Variants in ZIM2 observed in about 807,000 individuals in gnomAD.
ZIM2 encodes zinc finger imprinted 2.
Under a neutral mutation model 38.6 loss-of-function variants are expected in ZIM2, and 14 were observed. That is an observed-to-expected ratio of 0.36 (90% CI 0.24 to 0.57). The LOEUF (loss-of-function observed/expected upper bound fraction) is 0.57. Ranked by LOEUF, ZIM2 falls within the 20% of genes least tolerant of loss-of-function variation. The pLI is 0.81. For synonymous variants in ZIM2, 247 were observed against 245.8 expected (o/e 1.00, Z -0.04); for missense variants, 680 against 695.1 (o/e 0.98, Z 0.24).
intron 2 of ZIM2, among the ~76,000 whole-genome samples, chr19:56,830,764 A>C (rs939889011): frequency 1.3e-5 from 2 of 150,496 alleles, no homozygotes; most frequent in East Asian, 3.9e-4. Context: ...AATTTCAAAA[A>C]TTTACAGAAG....
At chr19:56,792,166 A>G (rs1326519611) in intron 9 of ZIM2, among the ~76,000 whole-genome samples, 1 of 152,048 alleles carries the variant, frequency 6.6e-6, no homozygotes, top group Admixed American at 6.6e-5. Flanking sequence ...CCAAACCCAC[A>G]TAGGCATAAA....
chr19:56,813,776 C>T (rs150977299), intron 9 of ZIM2: 1 of 1,614,130 alleles, frequency 6.2e-7, no homozygotes, highest in African/African-American at 1.3e-5. Flanking sequence ...GCTTGATTGG[C>T]ACCACCTGTG....
intron 11 of ZIM2, among the ~76,000 whole-genome samples, chr19:56,780,156 G>A (rs543845046): frequency 5.3e-5 from 8 of 151,940 alleles, no homozygotes; most frequent in Admixed American, 3.9e-4. Context: ...GCATTTCTAC[G>A]TGCCATTTAT....
Position 56,815,985 on chromosome 19 carries a change from A to C in ZIM2, c.490+1761T>G, listed in dbSNP as rs775467849. ...TTCCTTCAGAGGTGTTCCCTCCAGC[A>C]CGAACTCTCTGATGGTTGATAGCAT... On this transcript the variant is annotated intron_variant, in intron 9 of 12. Transcript: ENST00000629319. The C allele has an allele frequency of 5.0e-5, 79 of 1,584,782 alleles. 1 individual carries two copies. The South Asian group carries it at 9.0e-4, about 18-fold the overall frequency.
chr19:56,785,724 G>A lies in ZIM2; in HGVS notation c.571-3603C>T, dbSNP rs141549562. ...TACTTTTTCAAACAATTATAAATTA[G>A]CATTGATTCACATACACAGGTATTG... On this transcript the variant is annotated intron_variant, in intron 10 of 12. Coordinates refer to ENST00000629319, the MANE Select transcript of ZIM2 (RefSeq NM_001387356.1). Among the ~76,000 whole-genome samples the A allele has an allele frequency of 4.1e-3, 620 of 152,240 alleles. 5 individuals are homozygous for A. Among genetic ancestry groups the A allele is most frequent in the African/African-American group, 0.013 (551 of 41,526 alleles).
At chr19:56,824,812 C>G in intron 3 of ZIM2, 1 of 658,958 alleles carries the variant, frequency 1.5e-6, no homozygotes. Flanking sequence ...GCCACCTTAC[C>G]AGAGGCATCG....
chr19:56,805,503 T>C (rs1223573955), intron 9 of ZIM2, among the ~76,000 whole-genome samples: 1 of 152,126 alleles, frequency 6.6e-6, no homozygotes, highest in Non-Finnish European at 1.5e-5. Flanking sequence ...CCACTGATTG[T>C]TTATTAGTTG....
intron 7 of ZIM2, 44 bp from the exon 8 acceptor site, chr19:56,818,746 C>A: frequency 6.3e-7 from 1 of 1,598,080 alleles, no homozygotes; most frequent in South Asian, 1.1e-5. Context: ...CTGTCCCCAC[C>A]GATGTTCAAA....
chr19:56,831,581 T>C (rs2061574070), intron 2 of ZIM2, among the ~76,000 whole-genome samples: 1 of 152,232 alleles, frequency 6.6e-6, no homozygotes, highest in African/African-American at 2.4e-5. Context: ...ACATACTTTG[T>C]TCTAAGTAAG....
intron 2 of ZIM2, 49 bp downstream of exon 2, chr19:56,835,969 G>A: frequency 2.0e-6 from 1 of 495,582 alleles, no homozygotes; most frequent in Admixed American, 2.1e-5. Flanking sequence ...GAAGTGCGGT[G>A]GTCACTCCAA....
intron 7 of ZIM2, 142 bp downstream of exon 7, chr19:56,821,509 G>GC: frequency 1.0e-6 from 1 of 979,420 alleles, no homozygotes. Flanking sequence ...TAAGGGATGG[G>GC]CCCGGGCTCC....
intron 9 of ZIM2, chr19:56,813,938 C>T: frequency 6.2e-7 from 1 of 1,614,160 alleles, no homozygotes; most frequent in Non-Finnish European, 8.5e-7. Flanking sequence ...TAGTATGGTT[C>T]TTCTACCTGA....
At position 56,775,281 on chromosome 19, in the gene ZIM2, C is replaced by T; in HGVS notation, c.1084G>A (p.Glu362Lys). 6.2e-7 allele frequency: 1 copy of T among 1,614,150 alleles called. No homozygotes were observed. The highest frequency in any genetic ancestry group is 8.5e-7 in the Non-Finnish European group (1 of 1,180,016). ...ASQENKHNRC[E>K]FCKRTFSTQV... is the part of the protein sequence containing the mutation. The stretch of plus-strand genomic sequence containing the variant: ...GTACTAAAGGTTCGTTTGCAAAATT[C>T]ACATCTGTTGTGTTTGTTCTCTTGG... The change falls in exon 13 of 13, where the codon GAA (glutamate) becomes AAA (lysine). Residue 362 changes from glutamate (E) to lysine (K), a missense_variant. Glu to Lys is a moderately conservative substitution (Grantham distance 56). Transcript: ENST00000629319.
intron 2 of ZIM2, among the ~76,000 whole-genome samples, chr19:56,829,507 G>A (rs1361983813): frequency 6.6e-6 from 1 of 152,202 alleles, no homozygotes; most frequent in African/African-American, 2.4e-5. Context: ...ACAGGGAAAC[G>A]TGTTCTGTTG....
chr19:56,813,826 A>T (rs780776854), intron 9 of ZIM2: 1 of 1,614,034 alleles, frequency 6.2e-7, no homozygotes, highest in Non-Finnish European at 8.5e-7. Context: ...GCACTCCCCA[A>T]AGGCATTTGC....
At chr19:56,839,033 TGCCCCCATCA>T (rs1224336525) in intron 1 of ZIM2, among the ~76,000 whole-genome samples, 2 of 146,916 alleles carry the variant, frequency 1.4e-5, no homozygotes, top group Non-Finnish European at 3.0e-5. Context: ...AAACCTCAGC[TGCCCCCATCA>T]AAGATGGCGC....
In ZIM2 at chr19:56,811,066, G is replaced by A. The variant is rs967660184; in HGVS notation, c.490+6680C>T. ...AGAAACAAGAATGAACAAGATAAGAGGAGAGTATATGTCTTTGGATGGTGG... is the reference window on the plus strand; with the variant it reads ...AGAAACAAGAATGAACAAGATAAGAAGAGAGTATATGTCTTTGGATGGTGG... On this transcript the variant is annotated intron_variant, in intron 9 of 12. Transcript: ENST00000629319. 13 of 977,258 alleles carry A rather than the reference G, an allele frequency of 1.3e-5. No individual in the cohort carries two copies. In the African/African-American group the frequency reaches 1.4e-4, roughly 11 times the overall value. The allele number at this position is 977,258 out of a possible 1,614,324, so 60.5% of individuals were successfully genotyped here. A position where few individuals can be genotyped will look rare whatever the true frequency, so the allele number is the denominator to read the frequency against.
At chr19:56,816,725 G>A (rs776467524) in intron 9 of ZIM2, 1 of 1,614,080 alleles carries the variant, frequency 6.2e-7, no homozygotes, top group South Asian at 1.1e-5. Context: ...GAACTATGAA[G>A]GAAGGTTTCC....
rs756845064 is a variant in ZIM2, at chr19:56,775,097, GGCT to G, written c.1265_1267del (p.Lys422_Pro423delinsThr). 1.2e-6 allele frequency: 2 copies of G among 1,614,114 alleles called. No homozygotes were observed. The highest frequency in any genetic ancestry group is 3.3e-5 in the Admixed American group (2 of 60,024). ...ACAGAGATTCGCACACTGGACGGAAGGCTTTCTACCTTCATTGCAGCCAGAAGT... is the reference window on the plus strand; with the variant it reads ...ACAGAGATTCGCACACTGGACGGAAGTTCTACCTTCATTGCAGCCAGAAGT... On this transcript the variant is annotated inframe_deletion, in exon 13 of 13. Coordinates refer to ENST00000629319, the MANE Select transcript of ZIM2 (RefSeq NM_001387356.1).
Sources: allele counts gnomAD v4.1 joint callset (sites outside exome capture counted in the v4.1 genomes callset), GRCh38; gene constraint gnomAD v4.1.1; transcripts MANE v1.5; gene names NCBI Gene and HGNC (gene_info 2026-07-23, HGNC 2026-07-21).